Variants in BMPR1B observed in about 807,000 individuals in gnomAD.
The protein encoded by BMPR1B is bone morphogenetic protein receptor type 1B.
In BMPR1B, 12 loss-of-function variants were observed where a neutral mutation model predicts 59.1. That is an observed-to-expected ratio of 0.20 (90% CI 0.13 to 0.33). BMPR1B has a LOEUF of 0.33. Among genes scored for constraint, BMPR1B ranks in the 10% least tolerant of loss-of-function variants. The pLI, the probability that BMPR1B is intolerant of heterozygous loss-of-function variation, is 1.00. For missense variants in BMPR1B, 550 were observed against 610.9 expected, an observed-to-expected ratio of 0.90 and a Z score of 1.05; for synonymous variants, 237 against 207.3, an observed-to-expected ratio of 1.14 and a Z score of -1.23.
chr4:94,956,644 C>T (rs1175177161), intron 2 of BMPR1B, among the ~76,000 whole-genome samples: 1 of 152,016 alleles, frequency 6.6e-6, no homozygotes, highest in East Asian at 1.9e-4. Context: ...CAATAACAGA[C>T]CAGAATTTAC....
chr4:95,115,634 A>G (rs751778987), intron 5 of BMPR1B, 51 bp from the exon 6 acceptor site: 3 of 1,477,584 alleles, frequency 2.0e-6, no homozygotes, highest in Admixed American at 1.7e-5. Flanking sequence ...AGATGATTTG[A>G]CTTTGAAATT....
At chr4:95,150,454 GAAAAAA>G (rs67483429) in intron 11 of BMPR1B, among the ~76,000 whole-genome samples, 1 of 130,898 alleles carries the variant, frequency 7.6e-6, no homozygotes, top group Non-Finnish European at 1.7e-5. Context: ...TATTTAAAAA[GAAAAAA>G]AAAAAAAAAA....
At chr4:94,995,268 G>A (rs956157503) in intron 2 of BMPR1B, among the ~76,000 whole-genome samples, 1 of 152,000 alleles carries the variant, frequency 6.6e-6, no homozygotes, top group African/African-American at 2.4e-5. Flanking sequence ...TGTAAATATT[G>A]TGTTGAGTTA....
At chr4:95,093,036 T>C (rs1354708060) in intron 3 of BMPR1B, among the ~76,000 whole-genome samples, 1 of 152,170 alleles carries the variant, frequency 6.6e-6, no homozygotes, top group East Asian at 1.9e-4. Context: ...TCAGTTTCTT[T>C]TCTAACAATG....
chr4:94,768,360 A>AAAC (rs138425173), intron 1 of BMPR1B, among the ~76,000 whole-genome samples: 20 of 152,044 alleles, frequency 1.3e-4, no homozygotes, highest in East Asian at 3.9e-4. Flanking sequence ...TCTCCTTAAA[A>AAAC]AACAACAACA....
At chr4:95,076,356 C>T (rs1377321945) in intron 3 of BMPR1B, among the ~76,000 whole-genome samples, 1 of 152,010 alleles carries the variant, frequency 6.6e-6, no homozygotes, top group Non-Finnish European at 1.5e-5. Context: ...ATAATCTAGT[C>T]TTTAAAAATA....
At chr4:94,801,508 C>T (rs564759697) in intron 1 of BMPR1B, among the ~76,000 whole-genome samples, 1 of 152,278 alleles carries the variant, frequency 6.6e-6, no homozygotes, top group South Asian at 2.1e-4. Flanking sequence ...GATTCCATCA[C>T]TTATCACACT....
intron 1 of BMPR1B, among the ~76,000 whole-genome samples, chr4:94,842,849 G>T (rs1330881763): frequency 6.7e-6 from 1 of 148,492 alleles, no homozygotes; most frequent in East Asian, 2.0e-4. Context: ...ATGCCTCACA[G>T]TACTGTTTAT....
In BMPR1B at chr4:94,824,533, T is replaced by C. The variant is rs192948363; in HGVS notation, c.-182-51298T>C. Among the ~76,000 whole-genome samples the C allele has an allele frequency of 3.9e-4, 59 of 152,352 alleles. No individual in the cohort carries two copies. The East Asian group carries it at 0.011, about 29-fold the overall frequency. ...TATGCTATTTGAACTGATCTGTTTT[T>C]AAACATTCTGGTTATTTTCTAAAAA... On this transcript the variant is annotated intron_variant, in intron 1 of 12. Transcript: ENST00000515059.
intron 4 of BMPR1B, among the ~76,000 whole-genome samples, chr4:95,109,044 A>G (rs777678732): frequency 6.6e-6 from 1 of 152,060 alleles, no homozygotes; most frequent in Non-Finnish European, 1.5e-5. Flanking sequence ...CTGGCTTTGC[A>G]TATCATTCCT....
intron 2 of BMPR1B, among the ~76,000 whole-genome samples, chr4:94,881,686 G>C (rs577501496): frequency 6.6e-6 from 1 of 151,914 alleles, no homozygotes; most frequent in South Asian, 2.1e-4. Flanking sequence ...GGCTGGTCTC[G>C]GACTCCTGAC....
chr4:94,999,552 A>G (rs909818709), intron 3 of BMPR1B, among the ~76,000 whole-genome samples: 1 of 152,138 alleles, frequency 6.6e-6, no homozygotes. Context: ...ACATATTCCA[A>G]AAATGCTGTT....
intron 3 of BMPR1B, among the ~76,000 whole-genome samples, chr4:95,005,925 C>G (rs904500797): frequency 2.0e-5 from 3 of 152,072 alleles, no homozygotes; most frequent in Non-Finnish European, 4.4e-5. Flanking sequence ...GTCATTTACC[C>G]TCTCATTTTA....
chr4:94,831,233 T>TAAA (rs34088781), intron 1 of BMPR1B, among the ~76,000 whole-genome samples: 61 of 88,518 alleles, frequency 6.9e-4, no homozygotes, highest in African/African-American at 1.7e-3. Flanking sequence ...GTTTAAAAAG[T>TAAA]AAAAAAAAAA....
chr4:94,989,803 T>A (rs1436061955), intron 2 of BMPR1B, among the ~76,000 whole-genome samples: 1 of 152,194 alleles, frequency 6.6e-6, no homozygotes, highest in African/African-American at 2.4e-5. Context: ...ACAACTTTCT[T>A]GGGTCCTCAA....
intron 1 of BMPR1B, among the ~76,000 whole-genome samples, chr4:94,792,311 T>G (rs1723015718): frequency 6.6e-6 from 1 of 152,212 alleles, no homozygotes; most frequent in South Asian, 2.1e-4. Context: ...GTCCCTTCTC[T>G]AAGTGTTCTC....
chr4:94,962,533 G>A (rs1346900007), intron 2 of BMPR1B, among the ~76,000 whole-genome samples: 6 of 152,052 alleles, frequency 3.9e-5, no homozygotes, highest in Non-Finnish European at 7.4e-5. Context: ...GTAACTCCAT[G>A]AGATCAGTTT....
In BMPR1B at chr4:95,131,226, G is replaced by T. The variant is rs767750336; in HGVS notation, c.790G>T (p.Ala264Ser). The change falls in exon 10 of 13, where the codon GCA becomes TCA. Residue 264 changes from alanine to serine, a missense_variant. Coordinates refer to ENST00000515059, the MANE Select transcript of BMPR1B (RefSeq NM_001203.3). Reference protein sequence around the residue: ...RHENILGFIAADIKGTGSWTQ... With the variant: ...RHENILGFIASDIKGTGSWTQ... The stretch of plus-strand genomic sequence containing the variant: ...TTTTTTCCTTTTAGGTTTCATTGCT[G>T]CAGATATCAAAGGGACAGGGTCCTG... 5.0e-5 allele frequency: 81 copies of T among 1,613,542 alleles called. No homozygotes were observed. The highest frequency in any genetic ancestry group is 6.4e-5 in the Non-Finnish European group (75 of 1,179,802).
intron 3 of BMPR1B, among the ~76,000 whole-genome samples, chr4:95,078,932 A>AT (rs368943713): frequency 2.0e-5 from 3 of 151,806 alleles, no homozygotes; most frequent in Non-Finnish European, 4.4e-5. Context: ...TAATTTTTGT[A>AT]TTTTTTTGTA....
Sources: allele counts gnomAD v4.1 joint callset (sites outside exome capture counted in the v4.1 genomes callset), GRCh38; gene constraint gnomAD v4.1.1; transcripts MANE v1.5; gene names NCBI Gene and HGNC (gene_info 2026-07-23, HGNC 2026-07-21).